Variants in HERC4 observed in about 807,000 individuals in gnomAD.
HERC4 encodes HECT and RLD domain containing E3 ubiquitin protein ligase 4.
In HERC4, 28 loss-of-function variants were observed where a neutral mutation model predicts 124.3. That is an observed-to-expected ratio of 0.23 (90% confidence interval 0.17 to 0.31). HERC4 has a LOEUF of 0.31. HERC4 is among the 10% of genes least tolerant of loss of function. HERC4 has a pLI of 1.00. For missense variants in HERC4, 713 were observed against 1,229.3 expected, an observed-to-expected ratio of 0.58 and a Z score of 6.28; for synonymous variants, 407 against 421.5, an observed-to-expected ratio of 0.97 and a Z score of 0.42.
chr10:68,028,617 T>C (rs1175897299), intron 7 of HERC4, among the ~76,000 whole-genome samples: 1 of 152,170 alleles, frequency 6.6e-6, no homozygotes, highest in Admixed American at 6.5e-5. Flanking sequence ...ACATGGTTCA[T>C]CACTTCTAGG....
At chr10:68,019,345 C>A (rs552604853) in intron 8 of HERC4, among the ~76,000 whole-genome samples, 3 of 152,042 alleles carry the variant, frequency 2.0e-5, no homozygotes, top group African/African-American at 7.2e-5. Context: ...GTCACTTTAC[C>A]CCAAATAGAA....
At chr10:68,028,841 T>C (rs1165382660) in intron 7 of HERC4, among the ~76,000 whole-genome samples, 1 of 152,184 alleles carries the variant, frequency 6.6e-6, no homozygotes, top group Non-Finnish European at 1.5e-5. Context: ...CTCCTATTTA[T>C]ATGTAATATA....
At chr10:68,011,844 A>G (rs1046919554) in intron 9 of HERC4, among the ~76,000 whole-genome samples, 2 of 152,230 alleles carry the variant, frequency 1.3e-5, no homozygotes, top group Admixed American at 6.5e-5. Flanking sequence ...GGCATTGACT[A>G]CTTCTCTCAG....
At chr10:67,932,486 T>C in intron 23 of HERC4, 111 bp downstream of exon 23, 1 of 871,326 alleles carries the variant, frequency 1.1e-6, no homozygotes, top group South Asian at 1.7e-5. Context: ...AGTGCTTTCC[T>C]GTAAAATGGT....
rs779458914 is a variant in HERC4, at chr10:67,957,024, C to A, written c.1927-48G>T. The A allele has an allele frequency of 6.5e-6, 7 of 1,069,382 alleles. No individual in the cohort carries two copies. In the African/African-American group the frequency reaches 8.0e-5, roughly 12 times the overall value. 66.2% of individuals were successfully genotyped at this position (1,069,382 alleles called of 1,614,324 possible). ...TTAGTACAAGTTGATTTGTGATATA[C>A]TTACTGTGGATGCTGACATTTCTTA... On this transcript the variant is annotated intron_variant, in intron 16 of 24. Coordinates refer to ENST00000373700, the MANE Select transcript of HERC4 (RefSeq NM_015601.4).
In HERC4 at chr10:67,922,749, A is replaced by C. The variant is rs2030350453; in HGVS notation, c.*182T>G. On this transcript the variant is annotated 3_prime_UTR_variant, in exon 25 of 25. Transcript: ENST00000373700. ...AAAAAAATCCATGGTTCTGTACAAT[A>C]ATATTAACAGTTTGTTCATTTTCCT... is the stretch of plus-strand genomic sequence containing the variant. 2 of 477,762 alleles carry C rather than the reference A, an allele frequency of 4.2e-6. No individual in the cohort carries two copies. The highest frequency in any genetic ancestry group is 7.5e-6 in the Non-Finnish European group (2 of 266,348). 29.6% of individuals were successfully genotyped at this position (477,762 alleles called of 1,614,324 possible). A position where few individuals can be genotyped will look rare whatever the true frequency, so the allele number is the denominator to read the frequency against.
chr10:68,010,810 C>T, intron 9 of HERC4: 2 of 1,528,884 alleles, frequency 1.3e-6, no homozygotes, highest in Admixed American at 1.7e-5. Flanking sequence ...CCAGGGTGAT[C>T]CTCTTCTGCT....
intron 8 of HERC4, among the ~76,000 whole-genome samples, chr10:68,021,008 T>C (rs961174002): frequency 1.3e-5 from 2 of 151,846 alleles, no homozygotes; most frequent in Non-Finnish European, 2.9e-5. Context: ...CTCAGAAGAA[T>C]AGAGCAAGAG....
intron 3 of HERC4, among the ~76,000 whole-genome samples, chr10:68,051,780 C>T (rs376125023): frequency 1.2e-4 from 18 of 151,486 alleles, no homozygotes; most frequent in African/African-American, 3.6e-4. Flanking sequence ...ACCCCGCCTC[C>T]GAGGCTCAAG....
intron 17 of HERC4, chr10:67,955,870 C>T (rs2034111647): frequency 1.3e-5 from 2 of 152,154 alleles, no homozygotes; most frequent in African/African-American, 4.8e-5. Flanking sequence ...TGCTCACGAA[C>T]CAAGGATTTG....
intron 15 of HERC4, among the ~76,000 whole-genome samples, chr10:67,975,658 C>T (rs766436032): frequency 6.6e-6 from 1 of 152,156 alleles, no homozygotes; most frequent in Non-Finnish European, 1.5e-5. Flanking sequence ...CCGACACATG[C>T]ATTCTTAACT....
intron 19 of HERC4, among the ~76,000 whole-genome samples, chr10:67,949,918 C>A (rs180883128): frequency 2.2e-3 from 334 of 152,084 alleles, no homozygotes; most frequent in African/African-American, 7.8e-3. Context: ...ACTTGGGAGG[C>A]TGAGGCAAGA....
rs372810190 is a variant in HERC4, at chr10:67,990,456, G to A, written c.1444-56C>T. On this transcript the variant is annotated intron_variant, in intron 13 of 24. Coordinates refer to ENST00000373700, the MANE Select transcript of HERC4 (RefSeq NM_015601.4). ...CATTTAAAATGAATACACTTTCAAA[G>A]AAAAAAAAAAAAAAGGAAGGCAGGA... 9.9e-3 allele frequency: 6,071 copies of A among 614,854 alleles called. 10 individuals carry two copies. Among genetic ancestry groups the A allele is most frequent in the South Asian group, 0.056 (779 of 13,964 alleles). 38.1% of individuals were successfully genotyped at this position (614,854 alleles called of 1,614,324 possible).
intron 7 of HERC4, among the ~76,000 whole-genome samples, chr10:68,031,945 T>C (rs1259165638): frequency 1.3e-5 from 2 of 152,020 alleles, no homozygotes; most frequent in Admixed American, 1.3e-4. Context: ...AGAGACAGAG[T>C]TTCACCAAGT....
rs1491504798 is a variant in HERC4, at chr10:67,998,562, AAG to A, written c.1070-5882_1070-5881del. Among the ~76,000 whole-genome samples, 160 of 31,552 alleles carry A rather than the reference AAG, an allele frequency of 5.1e-3. 1 individual carries two copies. The highest frequency in any genetic ancestry group is 0.037 in the Middle Eastern group (2 of 54). The allele number at this position is 31,552 out of a possible 152,430, so 20.7% of individuals were successfully genotyped here. Reference sequence around the variant, plus strand: ...ACTCCACCTCAATTGAAAAAAAAAAAAGGGGGGGGGGTACAGTACTATCCAGT... The same window carrying A: ...ACTCCACCTCAATTGAAAAAAAAAAAGGGGGGGGGTACAGTACTATCCAGT... On this transcript the variant is annotated intron_variant, in intron 9 of 24. Transcript: ENST00000373700.
At chr10:68,026,432 C>G (rs2038904325) in intron 7 of HERC4, among the ~76,000 whole-genome samples, 1 of 150,820 alleles carries the variant, frequency 6.6e-6, no homozygotes, top group Non-Finnish European at 1.5e-5. Context: ...CTATAATATA[C>G]AGATGTTTTT....
intron 16 of HERC4, among the ~76,000 whole-genome samples, chr10:67,964,040 T>A (rs1219848305): frequency 5.3e-5 from 8 of 151,064 alleles, no homozygotes; most frequent in Admixed American, 1.3e-4. Flanking sequence ...ACTGCTGAGG[T>A]CAATTATTTT....
chr10:67,996,491 T>C (rs2036890147), intron 9 of HERC4, among the ~76,000 whole-genome samples: 1 of 152,170 alleles, frequency 6.6e-6, no homozygotes, highest in African/African-American at 2.4e-5. Flanking sequence ...ATGAGTAGTT[T>C]TGATGGTCTC....
rs574389493 is a variant in HERC4, at chr10:68,025,935, C to T, written c.778-259G>A. Among the ~76,000 whole-genome samples, 8 of 152,222 alleles carry T rather than the reference C, an allele frequency of 5.3e-5. No individual in the cohort carries two copies. In the East Asian group the frequency reaches 1.5e-3, roughly 29 times the overall value. The stretch of plus-strand genomic sequence containing the variant: ...ATAATTATTTATTTGCATTGCCTTT[C>T]ATTATCATTATACTGTCTTGCTGAA... On this transcript the variant is annotated intron_variant, in intron 7 of 24. Coordinates refer to ENST00000373700, the MANE Select transcript of HERC4 (RefSeq NM_015601.4).
Sources: gnomAD v4.1 joint callset for allele counts (sites outside exome capture counted in the v4.1 genomes callset) on GRCh38, gnomAD v4.1.1 for gene constraint, MANE v1.5 for transcripts, NCBI Gene and HGNC (gene_info 2026-07-23, HGNC 2026-07-21) for gene names.